Variants in FUT8 observed in about 807,000 individuals in gnomAD.
FUT8 encodes fucosyltransferase 8, also known as alpha-(1,6)-fucosyltransferase.
In FUT8, 29 loss-of-function variants were observed where a neutral mutation model predicts 71.3. The observed-to-expected ratio is 0.41, with a 90% CI of 0.30 to 0.55. The LOEUF (loss-of-function observed/expected upper bound fraction) is 0.55. FUT8 is among the 20% of genes least tolerant of loss of function. The pLI, the probability that FUT8 is intolerant of heterozygous loss-of-function variation, is 0.34. For missense variants in FUT8, 544 were observed against 702.1 expected, an observed-to-expected ratio of 0.77 and a Z score of 2.55; for synonymous variants, 254 against 239.3, an observed-to-expected ratio of 1.06 and a Z score of -0.57.
chr14:65,728,881 T>G (rs919468916), intron 9 of FUT8, among the ~76,000 whole-genome samples: 1 of 152,180 alleles, frequency 6.6e-6, no homozygotes, highest in African/African-American at 2.4e-5. Flanking sequence ...TGCATGATGA[T>G]AACATGCCTA....
intron 9 of FUT8, among the ~76,000 whole-genome samples, chr14:65,724,870 T>C (rs753332548): frequency 6.6e-6 from 1 of 152,156 alleles, no homozygotes; most frequent in Non-Finnish European, 1.5e-5. Flanking sequence ...ACTAATCTCA[T>C]CATGAGGGCC....
intron 1 of FUT8, among the ~76,000 whole-genome samples, chr14:65,448,434 A>G (rs563020290): frequency 1.3e-5 from 2 of 152,334 alleles, no homozygotes; most frequent in Admixed American, 6.5e-5. Context: ...TAGAATAATC[A>G]TAGACAATAA....
At chr14:65,362,582 C>T in the FUT8 span, among the ~76,000 whole-genome samples, 1 of 152,108 alleles carries the variant, frequency 6.6e-6, no homozygotes. Flanking sequence ...CAATGCTAAA[C>T]AATTAGTATG....
intron 3 of FUT8, among the ~76,000 whole-genome samples, chr14:65,601,801 C>T (rs767674336): frequency 1.3e-5 from 2 of 151,964 alleles, no homozygotes; most frequent in East Asian, 1.9e-4. Flanking sequence ...TTTATTAACG[C>T]GTTTCTGCTG....
chr14:65,372,476 C>T, the FUT8 span, among the ~76,000 whole-genome samples: 8 of 150,996 alleles, frequency 5.3e-5, no homozygotes, highest in South Asian at 2.1e-4. Flanking sequence ...AGTGCAGTGG[C>T]GCGATCTTGG....
At chr14:65,380,578 A>T in the FUT8 span, among the ~76,000 whole-genome samples, 1 of 152,178 alleles carries the variant, frequency 6.6e-6, no homozygotes, top group South Asian at 2.1e-4. Flanking sequence ...CCAAGTAGGG[A>T]TGCTACCCTG....
chr14:65,547,698 C>G (rs1283126641), intron 2 of FUT8, among the ~76,000 whole-genome samples: 1 of 151,600 alleles, frequency 6.6e-6, no homozygotes, highest in Non-Finnish European at 1.5e-5. Flanking sequence ...CAAAAATATA[C>G]TTATTTTGCA....
chr14:65,659,278 C>A (rs1002906848), intron 6 of FUT8, among the ~76,000 whole-genome samples: 4 of 151,562 alleles, frequency 2.6e-5, no homozygotes, highest in African/African-American at 9.7e-5. Flanking sequence ...TCATGTATGG[C>A]TGGCTGCATG....
chr14:65,614,670 C>T (rs917336659), intron 3 of FUT8, among the ~76,000 whole-genome samples: 6 of 152,218 alleles, frequency 3.9e-5, no homozygotes, highest in Admixed American at 2.0e-4. Flanking sequence ...TCAAAGCTAA[C>T]AGCCACATAA....
At chr14:65,368,362 C>T in the FUT8 span, among the ~76,000 whole-genome samples, 3 of 106,564 alleles carry the variant, frequency 2.8e-5, no homozygotes, top group African/African-American at 1.0e-4. Flanking sequence ...TTTTTTGGGA[C>T]AGAGTTTCGC....
chr14:65,611,292 CACACACA>C (rs1888975404), intron 3 of FUT8, among the ~76,000 whole-genome samples: 2 of 46,168 alleles, frequency 4.3e-5, no homozygotes, highest in African/African-American at 2.0e-4. Context: ...CACACACACA[CACACACA>C]CACCCCCCAA....
At chr14:65,442,788 T>C (rs2065680968) in intron 1 of FUT8, among the ~76,000 whole-genome samples, 1 of 149,968 alleles carries the variant, frequency 6.7e-6, no homozygotes, top group Middle Eastern at 3.2e-3. Context: ...GTGAGCCAAG[T>C]TGGGCCTGGG....
chr14:65,561,380 A>AT lies in FUT8; in HGVS notation c.-183dup. 1 of 611,496 alleles carries AT rather than the reference A, an allele frequency of 1.6e-6. No homozygotes were observed. The highest frequency in any genetic ancestry group is 2.9e-6 in the Non-Finnish European group (1 of 343,738). 37.9% of individuals were successfully genotyped at this position (611,496 alleles called of 1,614,324 possible). A position where few individuals can be genotyped will look rare whatever the true frequency, so the allele number is the denominator to read the frequency against. On this transcript the variant is annotated 5_prime_UTR_variant, in exon 3 of 11. An upstream open reading frame in the 5' UTR loses its in-frame stop. Coordinates refer to ENST00000673929, the MANE Select transcript of FUT8 (RefSeq NM_001371533.1). Reference sequence around the variant, plus strand: ...TACAGGACAATAAAGCTTCCTACACATATCACCAGGAGGATCTCTTTGAAA... The same window carrying AT: ...TACAGGACAATAAAGCTTCCTACACATTATCACCAGGAGGATCTCTTTGAAA...
intron 2 of FUT8, among the ~76,000 whole-genome samples, chr14:65,470,183 A>G (rs994117149): frequency 6.6e-6 from 1 of 152,080 alleles, no homozygotes. Flanking sequence ...CTTGGCTCCA[A>G]CCCCACTCTG....
In FUT8 at chr14:65,467,662, G is replaced by A. The variant is rs929850905; in HGVS notation, c.-228+11944G>A. 3.3e-6 allele frequency: 1 copy of A among 306,278 alleles called. No homozygotes were observed. Among genetic ancestry groups the A allele is most frequent in the African/African-American group, 2.2e-5 (1 of 45,388 alleles). The allele number at this position is 306,278 out of a possible 1,614,324, so 19.0% of individuals were successfully genotyped here. ...CAGCTAATTTTTTGTATTTTTAGTAGAGAGGGTTTCACTATGTTGGCCAGG... is the reference window on the plus strand; with the variant it reads ...CAGCTAATTTTTTGTATTTTTAGTAAAGAGGGTTTCACTATGTTGGCCAGG... On this transcript the variant is annotated intron_variant, in intron 2 of 10. Transcript: ENST00000673929. This position sits in a 1 kb window ranked among gnomAD's most constrained non-coding sequence, Gnocchi z 4.1.
In FUT8 at chr14:65,742,154, A is replaced by T; in HGVS notation, c.1472A>T (p.His491Leu). Residue 491 changes from histidine (H) to leucine (L), a missense_variant, in exon 11 of 11, where the codon CAT (histidine) becomes CTT (leucine). His to Leu is a moderately conservative substitution (Grantham distance 99). Coordinates refer to ENST00000673929, the MANE Select transcript of FUT8 (RefSeq NM_001371533.1). Reference protein sequence around the residue: ...TLHPDASANFHSLDDIYYFGG... With the variant: ...TLHPDASANFLSLDDIYYFGG... The stretch of plus-strand genomic sequence containing the variant: ...CATCCTGATGCCTCTGCAAACTTCC[A>T]TTCTTTAGATGACATCTACTATTTT... The T allele has an allele frequency of 6.2e-7, 1 of 1,613,108 alleles. No individual in the cohort carries two copies. The highest frequency in any genetic ancestry group is 8.5e-7 in the Non-Finnish European group (1 of 1,179,390).
chr14:65,421,739 A>ACCCCCC lies in FUT8; in HGVS notation c.-326+8528_-326+8533dup, dbSNP rs1555359419. ...TTTGTATCTTGAAACCCTTTAACCC[A>ACCCCCC]CCCCCCCCTTTTTTTTTTTTTGCCA... On this transcript the variant is annotated intron_variant, in intron 1 of 10. Transcript: ENST00000673929. Among the ~76,000 whole-genome samples, 5 of 51,970 alleles carry ACCCCCC rather than the reference A, an allele frequency of 9.6e-5. No homozygotes were observed. The South Asian group carries it at 3.7e-3, about 38-fold the overall frequency. 34.1% of individuals were successfully genotyped at this position (51,970 alleles called of 152,430 possible).
chr14:65,737,061 G>A (rs1273421440), intron 10 of FUT8, among the ~76,000 whole-genome samples: 2 of 152,064 alleles, frequency 1.3e-5, no homozygotes, highest in African/African-American at 2.4e-5. Flanking sequence ...TTGGAAAACT[G>A]CAGGCAAAAA....
chr14:65,711,021 G>A (rs1894789033), intron 7 of FUT8, among the ~76,000 whole-genome samples: 1 of 152,114 alleles, frequency 6.6e-6, no homozygotes, highest in African/African-American at 2.4e-5. Flanking sequence ...CTCTAGAACA[G>A]TACCAAGTCT....
Sources: allele counts gnomAD v4.1 joint callset (sites outside exome capture counted in the v4.1 genomes callset), GRCh38; gene constraint gnomAD v4.1.1; non-coding constraint Gnocchi (gnomAD v3.1); transcripts MANE v1.5; gene names NCBI Gene and HGNC (gene_info 2026-07-23, HGNC 2026-07-21).